PRPSAP2: variants seen among roughly 807,000 people sequenced by gnomAD.
PRPSAP2 encodes the protein phosphoribosyl pyrophosphate synthase-associated protein 2.
PRPSAP2 carries 24 observed loss-of-function variants against 40.6 expected under a neutral mutation model. The observed-to-expected ratio is 0.59, with a 90% CI of 0.43 to 0.83. The LOEUF (loss-of-function observed/expected upper bound fraction) is 0.83, where lower values mean the gene tolerates loss of function less well. Among genes scored for constraint, PRPSAP2 ranks in the 40% least tolerant of loss-of-function variants. The pLI, the probability that PRPSAP2 is intolerant of heterozygous loss-of-function variation, is 0.00. For missense variants in PRPSAP2, 292 were observed against 465.6 expected (o/e 0.63, Z 3.43); for synonymous variants, 149 against 164.7 (o/e 0.90, Z 0.73).
rs553432244 is a variant in PRPSAP2 at position 18,860,063 on chromosome 17, AC to A, written c.-129+1803del. ...CCATCCAATAAACATAAATTTTTAT[AC>A]TTTTTAATTTTTTGACACAGAGTCT... On this transcript the variant is annotated intron_variant, in intron 1 of 11. Coordinates refer to ENST00000268835, the MANE Select transcript of PRPSAP2 (RefSeq NM_002767.4). Among the ~76,000 whole-genome samples, 491 of 142,158 alleles carry A rather than the reference AC, an allele frequency of 3.5e-3. 1 individual carries two copies. The highest frequency in any genetic ancestry group is 0.012 in the African/African-American group (475 of 38,112). 93.3% of individuals were successfully genotyped at this position (142,158 alleles called of 152,430 possible). A position where few individuals can be genotyped will look rare whatever the true frequency, so the allele number is the denominator to read the frequency against.
At position 18,862,075 on chromosome 17, in the gene PRPSAP2, A is replaced by G. The variant is rs112552449; in HGVS notation, c.-128-3394A>G. Among the ~76,000 whole-genome samples, 113 of 152,300 alleles carry G rather than the reference A, an allele frequency of 7.4e-4. 1 individual carries two copies. The highest frequency in any genetic ancestry group is 2.6e-3 in the African/African-American group (109 of 41,566). On this transcript the variant is annotated intron_variant, in intron 1 of 11. Transcript: ENST00000268835. Reference sequence around the variant, plus strand: ...GCTAATTTTTGCATTTTTAGTAGAAATGAGGTTTCACCATGTTGGCCAGAC... The same window carrying G: ...GCTAATTTTTGCATTTTTAGTAGAAGTGAGGTTTCACCATGTTGGCCAGAC...
At chr17:18,897,343 T>G (rs1286628067) in intron 8 of PRPSAP2, among the ~76,000 whole-genome samples, 1 of 152,188 alleles carries the variant, frequency 6.6e-6, no homozygotes. Context: ...TCCACAGTTA[T>G]GTAAAAGTTA....
At chr17:18,862,966 G>A (rs928493511) in intron 1 of PRPSAP2, among the ~76,000 whole-genome samples, 6 of 150,692 alleles carry the variant, frequency 4.0e-5, no homozygotes, top group Non-Finnish European at 7.4e-5. Flanking sequence ...GACTGTAGGC[G>A]CCCACCACCA....
chr17:18,856,833 C>T (rs1284335959), upstream of PRPSAP2, among the ~76,000 whole-genome samples: 2 of 152,126 alleles, frequency 1.3e-5, no homozygotes, highest in African/African-American at 4.8e-5. Context: ...GATAACAACA[C>T]CTACCTTATG....
At chr17:18,862,977 C>T (rs760521973) in intron 1 of PRPSAP2, among the ~76,000 whole-genome samples, 8 of 148,752 alleles carry the variant, frequency 5.4e-5, no homozygotes, top group Non-Finnish European at 1.0e-4. Context: ...CCCACCACCA[C>T]GCCCACCTAA....
intron 10 of PRPSAP2, chr17:18,928,497 G>A: frequency 2.9e-6 from 1 of 348,710 alleles, no homozygotes; most frequent in South Asian, 2.6e-5. Flanking sequence ...CATTTCTGGT[G>A]TGACCTGCAT....
chr17:18,930,512 CT>C, intron 11 of PRPSAP2, 27 bp from the exon 12 acceptor site: 1 of 1,600,858 alleles, frequency 6.2e-7, no homozygotes, highest in Non-Finnish European at 8.5e-7. Flanking sequence ...CTTTCTGATG[CT>C]GTGGTTTTTT....
upstream of PRPSAP2, among the ~76,000 whole-genome samples, chr17:18,857,282 C>T (rs1037061186): frequency 2.0e-5 from 3 of 151,828 alleles, no homozygotes; most frequent in Non-Finnish European, 4.4e-5. Context: ...TTGCAGTGAG[C>T]TGAGATCGCG....
At chr17:18,902,322 A>T (rs964450518) in intron 8 of PRPSAP2, among the ~76,000 whole-genome samples, 1 of 152,190 alleles carries the variant, frequency 6.6e-6, no homozygotes, top group Non-Finnish European at 1.5e-5. Flanking sequence ...GCTGGGGCTG[A>T]TGAGGCCTAG....
chr17:18,892,548 G>A (rs940876939), intron 8 of PRPSAP2, among the ~76,000 whole-genome samples: 13 of 148,292 alleles, frequency 8.8e-5, no homozygotes, highest in African/African-American at 2.2e-4. Flanking sequence ...CTACCTTATC[G>A]TGGTTTTCAT....
At chr17:18,907,795 AAAG>A (rs2151948317) in intron 8 of PRPSAP2, among the ~76,000 whole-genome samples, 1 of 152,320 alleles carries the variant, frequency 6.6e-6, no homozygotes, top group South Asian at 2.1e-4. Flanking sequence ...CCCATAGGTC[AAAG>A]AAGAAGTCAA....
chr17:18,870,371 C>T (rs1291841051), intron 4 of PRPSAP2, among the ~76,000 whole-genome samples: 1 of 151,946 alleles, frequency 6.6e-6, no homozygotes, highest in African/African-American at 2.4e-5. Context: ...TGTACCACAG[C>T]CTAGGCAACA....
rs144427896 is a variant in PRPSAP2, at chr17:18,908,905, T to G, written c.585-2198T>G. On this transcript the variant is annotated intron_variant, in intron 8 of 11. Transcript: ENST00000268835. ...TTTCCTTTTCCTCCCTTTCCTTTCCTTTTCAAATTTTACCCTGCCCCTCCT... is the reference window on the plus strand; with the variant it reads ...TTTCCTTTTCCTCCCTTTCCTTTCCGTTTCAAATTTTACCCTGCCCCTCCT... The G allele has an allele frequency of 6.8e-4, 307 of 450,616 alleles. 1 individual carries two copies. Among genetic ancestry groups the G allele is most frequent in the African/African-American group, 5.9e-3 (293 of 49,306 alleles). 27.9% of individuals were successfully genotyped at this position (450,616 alleles called of 1,614,324 possible).
intron 9 of PRPSAP2, among the ~76,000 whole-genome samples, chr17:18,920,437 A>G (rs572048756): frequency 6.6e-6 from 1 of 151,968 alleles, no homozygotes. Context: ...TAATGTTTCT[A>G]TGTTTATGTT....
At chr17:18,873,242 G>A (rs915161754) in intron 5 of PRPSAP2, among the ~76,000 whole-genome samples, 15 of 80,346 alleles carry the variant, frequency 1.9e-4, no homozygotes, top group Non-Finnish European at 4.0e-4. Context: ...TGCCCAGGCT[G>A]GAGTGCAATG....
intron 6 of PRPSAP2, among the ~76,000 whole-genome samples, chr17:18,878,718 C>T (rs572130170): frequency 8.3e-4 from 127 of 152,178 alleles, no homozygotes; most frequent in Non-Finnish European, 3.4e-4. Context: ...CCACCACGCC[C>T]GGCTAATTTT....
intron 11 of PRPSAP2, 52 bp from the exon 12 acceptor site, chr17:18,930,488 A>T (rs907382582): frequency 2.6e-6 from 4 of 1,564,004 alleles, no homozygotes; most frequent in Non-Finnish European, 3.5e-6. Context: ...AGATCAAACC[A>T]TGAAGCTACT....
chr17:18,909,319 G>A (rs796117882), intron 8 of PRPSAP2, among the ~76,000 whole-genome samples: 46 of 146,000 alleles, frequency 3.2e-4, no homozygotes, highest in Middle Eastern at 3.6e-3. Flanking sequence ...TCCACTCACT[G>A]CGAGCTCCGC....
chr17:18,872,946 G>A (rs1479667967), intron 5 of PRPSAP2, among the ~76,000 whole-genome samples: 2 of 151,268 alleles, frequency 1.3e-5, no homozygotes, highest in Middle Eastern at 3.2e-3. Flanking sequence ...AGGTTCTAGT[G>A]ATTCTCTTGC....
Sources: allele counts gnomAD v4.1 joint callset (sites outside exome capture counted in the v4.1 genomes callset), GRCh38; gene constraint gnomAD v4.1.1; transcripts MANE v1.5; gene names NCBI Gene and HGNC (gene_info 2026-07-23, HGNC 2026-07-21).